Variants in ANKH observed in about 807,000 individuals in gnomAD.
The protein encoded by ANKH is mineralization regulator ANKH.
Under a neutral mutation model 49.0 loss-of-function variants are expected in ANKH, and 15 were observed. The observed-to-expected ratio is 0.31, with a 90% CI of 0.20 to 0.47. The LOEUF is 0.47. Ranked by LOEUF, ANKH falls within the 20% of genes least tolerant of loss-of-function variation. ANKH has a pLI of 1.00. For synonymous variants in ANKH, 273 were observed against 260.0 expected (o/e 1.05, Z -0.48); for missense variants, 429 against 652.0 (o/e 0.66, Z 3.72).
intron 1 of ANKH, among the ~76,000 whole-genome samples, chr5:14,847,763 C>A (rs1164859557): frequency 6.6e-6 from 1 of 152,172 alleles, no homozygotes; most frequent in African/African-American, 2.4e-5. Context: ...TATGGGAAGA[C>A]CATATGCTTT....
intron 1 of ANKH, among the ~76,000 whole-genome samples, chr5:14,822,165 T>G (rs1417269923): frequency 6.6e-6 from 1 of 152,244 alleles, no homozygotes; most frequent in African/African-American, 2.4e-5. Context: ...TAGTCTGAAC[T>G]GTGATGTGCT....
chr5:14,773,353 C>CTT (rs71603741), intron 1 of ANKH, among the ~76,000 whole-genome samples: 5,011 of 76,912 alleles, frequency 0.065, 705 homozygotes, highest in South Asian at 0.13. Flanking sequence ...GCAAAGCATT[C>CTT]TTTTTTTTTT....
At chr5:14,810,899 T>C (rs528258284) in intron 1 of ANKH, among the ~76,000 whole-genome samples, 1 of 152,320 alleles carries the variant, frequency 6.6e-6, no homozygotes, top group African/African-American at 2.4e-5. Context: ...GGTGGGATAG[T>C]GCATTCATAA....
intron 1 of ANKH, among the ~76,000 whole-genome samples, chr5:14,771,971 C>A (rs1007750244): frequency 5.1e-5 from 7 of 136,440 alleles, no homozygotes; most frequent in Non-Finnish European, 6.4e-5. Context: ...AAACAAAAAA[C>A]CGTTCCCAAT....
intron 9 of ANKH, among the ~76,000 whole-genome samples, chr5:14,714,592 T>C (rs1248342547): frequency 6.6e-6 from 1 of 152,170 alleles, no homozygotes; most frequent in Non-Finnish European, 1.5e-5. Context: ...TCTAACAGTG[T>C]GTCCTGCCTT....
At chr5:14,798,780 T>C (rs959891766) in intron 1 of ANKH, among the ~76,000 whole-genome samples, 4 of 152,196 alleles carry the variant, frequency 2.6e-5, no homozygotes, top group Admixed American at 6.5e-5. Context: ...TATCCACTGG[T>C]CTTTCCCTTC....
chr5:14,827,198 A>G (rs1021045323), intron 1 of ANKH, among the ~76,000 whole-genome samples: 62 of 152,244 alleles, frequency 4.1e-4, no homozygotes, highest in African/African-American at 1.5e-3. Flanking sequence ...TCCTGTTAAC[A>G]GTAACACCTA....
intron 8 of ANKH, chr5:14,724,564 T>C (rs1178985123): frequency 5.1e-6 from 5 of 985,264 alleles, no homozygotes; most frequent in Middle Eastern, 5.2e-4. Context: ...CTTACTATGC[T>C]ACAGTCCGAA....
chr5:14,841,081 T>G (rs1365353138), intron 1 of ANKH, among the ~76,000 whole-genome samples: 1 of 152,110 alleles, frequency 6.6e-6, no homozygotes, highest in Non-Finnish European at 1.5e-5. Flanking sequence ...TAATTGTCAC[T>G]ACTGAGAGGA....
In ANKH at chr5:14,711,276, C is replaced by T. The variant is rs1737187148; in HGVS notation, c.1400G>A (p.Gly467Glu). 15 of 1,614,138 alleles carry T rather than the reference C, an allele frequency of 9.3e-6. No individual in the cohort carries two copies. Among genetic ancestry groups the T allele is most frequent in the Non-Finnish European group, 1.3e-5 (15 of 1,180,024 alleles). ...KKMENESATE[G>E]EDSAMTDMPP... ...CATGTCTGTCATGGCAGAGTCTTCC[C>T]CCTCCGTGGCCGACTCATTCTCCAT... Residue 467 changes from glycine (G) to glutamate (E), a missense_variant, in exon 12 of 12, where the codon GGG becomes GAG. Around this residue, in one of 2 missense-constraint regions of ANKH, gnomAD observed 51 missense variants for 36.7 expected, o/e 1.39. Transcript: ENST00000284268.
chr5:14,824,968 T>A (rs1234673783), intron 1 of ANKH, among the ~76,000 whole-genome samples: 1 of 152,196 alleles, frequency 6.6e-6, no homozygotes, highest in Non-Finnish European at 1.5e-5. Context: ...GGCAAGAGAT[T>A]ATCACCTGTT....
rs114529889 is a variant in ANKH, at chr5:14,713,538, A to G, written c.1265+6T>C. On this transcript the variant is annotated splice_donor_region_variant and intron_variant, in intron 10 of 11. Coordinates refer to ENST00000284268, the MANE Select transcript of ANKH (RefSeq NM_054027.6). The surrounding 1 kb of genome is among the most constrained non-coding windows in gnomAD (Gnocchi z 4.4). ...ACCCACAGCCCCAAACTCCCTGACA[A>G]CATACCCCAGGTAGGGTAGGACCAC... The G allele has an allele frequency of 2.8e-3, 4,490 of 1,614,066 alleles. 114 individuals carry two copies. In the African/African-American group the frequency reaches 0.053, roughly 19 times the overall value.
At chr5:14,719,340 C>T (rs1481352134) in intron 8 of ANKH, among the ~76,000 whole-genome samples, 5 of 152,188 alleles carry the variant, frequency 3.3e-5, no homozygotes, top group Admixed American at 3.3e-4. Flanking sequence ...CACACTTTTT[C>T]AAGAAGCTAT....
At chr5:14,728,874 A>T (rs1298809548) in intron 8 of ANKH, among the ~76,000 whole-genome samples, 3 of 152,286 alleles carry the variant, frequency 2.0e-5, no homozygotes, top group South Asian at 2.1e-4. Flanking sequence ...TGTGCAACCA[A>T]GACGGTGGAG....
intron 3 of ANKH, 82 bp downstream of exon 3, chr5:14,758,398 C>A: frequency 9.1e-7 from 1 of 1,096,568 alleles, no homozygotes; most frequent in Non-Finnish European, 1.4e-6. Context: ...ACAAAAATAG[C>A]TAAAATGGTA....
chr5:14,861,617 A>AC (rs1284965774), intron 1 of ANKH, among the ~76,000 whole-genome samples: 1 of 152,130 alleles, frequency 6.6e-6, no homozygotes, highest in African/African-American at 2.4e-5. Context: ...CCACACACGT[A>AC]CAGCCCCTCC....
chr5:14,724,636 C>G, intron 8 of ANKH: 4 of 963,100 alleles, frequency 4.2e-6, no homozygotes, highest in Non-Finnish European at 4.9e-6. Context: ...GACCTGCTTC[C>G]TCACTTGCAG....
chr5:14,709,904 T>C lies in ANKH; in HGVS notation c.*1293A>G, dbSNP rs1205606027. The C allele has an allele frequency of 6.6e-6, 1 of 152,620 alleles. No homozygotes were observed. Among genetic ancestry groups the C allele is most frequent in the Non-Finnish European group, 1.5e-5 (1 of 68,046 alleles). The allele number at this position is 152,620 out of a possible 1,614,324, so 9.5% of individuals were successfully genotyped here. A position where few individuals can be genotyped will look rare whatever the true frequency, so the allele number is the denominator to read the frequency against. ...TTACATAACATATACAGCATATATT[T>C]ATATCTTTAAAATATTTTTTTTTTT... On this transcript the variant is annotated 3_prime_UTR_variant, in exon 12 of 12. Transcript: ENST00000284268.
At chr5:14,807,544 A>C (rs1445205173) in intron 1 of ANKH, among the ~76,000 whole-genome samples, 2 of 152,176 alleles carry the variant, frequency 1.3e-5, no homozygotes. Context: ...AGAACGGTAA[A>C]CCTATTAAAA....
Sources: gnomAD v4.1 joint callset for allele counts (sites outside exome capture counted in the v4.1 genomes callset) on GRCh38, gnomAD v4.1.1 for gene constraint, gnomAD v4.1.1 regional missense constraint, Gnocchi (gnomAD v3.1) non-coding constraint, MANE v1.5 for transcripts, NCBI Gene and HGNC (gene_info 2026-07-23, HGNC 2026-07-21) for gene names.